Variants in SHISA9 observed in about 807,000 individuals in gnomAD.
The protein encoded by SHISA9 is shisa family member 9.
A neutral mutation model predicts 38.0 loss-of-function variants in SHISA9; 13 were observed. The ratio of observed to expected loss-of-function variants is 0.34; its 90% CI spans 0.22 to 0.54. The LOEUF is 0.54. Ranked by LOEUF, SHISA9 falls within the 20% of genes least tolerant of loss-of-function variation. SHISA9 has a pLI of 0.91. For missense variants in SHISA9, 538 were observed against 575.8 expected, an observed-to-expected ratio of 0.93 and a Z score of 0.67; for synonymous variants, 275 against 242.0, an observed-to-expected ratio of 1.14 and a Z score of -1.27.
chr16:13,142,177 G>T (rs754518623), intron 2 of SHISA9, among the ~76,000 whole-genome samples: 14 of 152,184 alleles, frequency 9.2e-5, no homozygotes, highest in African/African-American at 3.4e-4. Flanking sequence ...TCTTGTCTAC[G>T]TGTGGACTGG....
At chr16:12,959,009 C>T (rs1176008112) in intron 2 of SHISA9, among the ~76,000 whole-genome samples, 2 of 152,086 alleles carry the variant, frequency 1.3e-5, no homozygotes, top group Admixed American at 6.5e-5. Context: ...AAGACAATGT[C>T]AGAAAGGAAG....
intron 2 of SHISA9, among the ~76,000 whole-genome samples, chr16:13,070,094 T>G (rs927346988): frequency 6.6e-6 from 1 of 151,232 alleles, no homozygotes; most frequent in Non-Finnish European, 1.5e-5. Context: ...TAGCTGTTTT[T>G]CCTTTAAAAA....
chr16:12,921,231 G>A (rs2071323989), intron 2 of SHISA9, among the ~76,000 whole-genome samples: 1 of 152,208 alleles, frequency 6.6e-6, no homozygotes, highest in Non-Finnish European at 1.5e-5. Flanking sequence ...GAGAAATGAT[G>A]ACTTGATGTT....
the SHISA9 span, among the ~76,000 whole-genome samples, chr16:13,456,770 C>A: frequency 6.6e-6 from 1 of 152,362 alleles, no homozygotes; most frequent in African/African-American, 2.4e-5. Context: ...GCCATTCAGG[C>A]AATGTGTGAT....
chr16:13,307,361 C>G, the SHISA9 span, among the ~76,000 whole-genome samples: 1 of 152,158 alleles, frequency 6.6e-6, no homozygotes, highest in Non-Finnish European at 1.5e-5. Context: ...CTATTTCCTC[C>G]TGGCTTGTGG....
intron 1 of SHISA9, chr16:12,909,244 A>G (rs1291407345): frequency 1.0e-6 from 1 of 984,796 alleles, no homozygotes. Flanking sequence ...TACACAATAA[A>G]ATGCACACAT....
At chr16:13,108,121 C>T (rs1410489894) in intron 2 of SHISA9, among the ~76,000 whole-genome samples, 2 of 147,410 alleles carry the variant, frequency 1.4e-5, no homozygotes, top group Admixed American at 1.3e-4. Context: ...CCAAAGAGAG[C>T]CCCCCTCCGG....
chr16:13,127,199 AAGAG>A (rs1003180182), intron 2 of SHISA9, among the ~76,000 whole-genome samples: 1 of 116,110 alleles, frequency 8.6e-6, no homozygotes, highest in Non-Finnish European at 1.8e-5. Flanking sequence ...GAGAGAAAGA[AAGAG>A]GGAGAGAGGG....
rs2072654318 is a variant in SHISA9, at chr16:13,010,205, C to CA, written c.691+93392dup. 2.6e-5 allele frequency among the ~76,000 whole-genome samples: 4 copies of CA among 152,132 alleles called. No individual in the cohort carries two copies. In the South Asian group the frequency reaches 8.3e-4, roughly 32 times the overall value. ...AAGAAAAAAAGAGAAGCCAGAACTC[C>CA]AATTTCAAAAAGATGAAACATTCCA... On this transcript the variant is annotated intron_variant, in intron 2 of 4. Transcript: ENST00000558583.
At chr16:13,530,966 C>T in the SHISA9 span, among the ~76,000 whole-genome samples, 1 of 152,154 alleles carries the variant, frequency 6.6e-6, no homozygotes, top group East Asian at 1.9e-4. Context: ...CCACATGATG[C>T]CTGGGACTAT....
chr16:12,917,783 A>G (rs1283618685), intron 2 of SHISA9, among the ~76,000 whole-genome samples: 3 of 152,250 alleles, frequency 2.0e-5, no homozygotes, highest in Non-Finnish European at 2.9e-5. Flanking sequence ...GAAAACAGAA[A>G]CAATTCTAAT....
At chr16:13,338,742 T>A in the SHISA9 span, among the ~76,000 whole-genome samples, 1 of 152,326 alleles carries the variant, frequency 6.6e-6, no homozygotes, top group East Asian at 1.9e-4. Context: ...CTCATTTGAC[T>A]GGTTTGTAAT....
At chr16:12,996,898 C>T (rs2072463811) in intron 2 of SHISA9, among the ~76,000 whole-genome samples, 1 of 152,168 alleles carries the variant, frequency 6.6e-6, no homozygotes, top group East Asian at 1.9e-4. Flanking sequence ...TCACCCAAGT[C>T]CTTTGGGGAA....
the SHISA9 span, among the ~76,000 whole-genome samples, chr16:13,398,226 A>T: frequency 2.0e-5 from 3 of 152,110 alleles, no homozygotes; most frequent in Admixed American, 6.5e-5. Flanking sequence ...AGAAATACCC[A>T]TCCTCACCTT....
At chr16:13,353,024 C>T in the SHISA9 span, among the ~76,000 whole-genome samples, 1 of 152,094 alleles carries the variant, frequency 6.6e-6, no homozygotes, top group Non-Finnish European at 1.5e-5. Flanking sequence ...ACATTCCTGC[C>T]TTCTTAGTAT....
chr16:13,362,337 A>T, the SHISA9 span, among the ~76,000 whole-genome samples: 1 of 152,000 alleles, frequency 6.6e-6, no homozygotes. Context: ...TGGGAGGTTG[A>T]GGATGACTCG....
chr16:13,488,264 A>G, the SHISA9 span, among the ~76,000 whole-genome samples: 1 of 152,002 alleles, frequency 6.6e-6, no homozygotes, highest in Non-Finnish European at 1.5e-5. Context: ...AAAAAAAGGA[A>G]TTAGTTATAA....
intron 2 of SHISA9, among the ~76,000 whole-genome samples, chr16:12,964,061 G>A (rs1329750632): frequency 1.3e-5 from 2 of 152,164 alleles, no homozygotes; most frequent in East Asian, 3.9e-4. Flanking sequence ...ACAGATCATG[G>A]TTTTCATTAG....
intron 2 of SHISA9, among the ~76,000 whole-genome samples, chr16:13,155,475 T>A (rs2050535945): frequency 6.6e-6 from 1 of 152,224 alleles, no homozygotes; most frequent in Non-Finnish European, 1.5e-5. Flanking sequence ...GAGAAAATGA[T>A]GTTGACTAGA....
Sources: allele counts gnomAD v4.1 joint callset (sites outside exome capture counted in the v4.1 genomes callset), GRCh38; gene constraint gnomAD v4.1.1; transcripts MANE v1.5; gene names NCBI Gene and HGNC (gene_info 2026-07-23, HGNC 2026-07-21).